The following HCRTR2 variants were observed in gnomAD, a reference collection of about 807,000 sequenced individuals.
HCRTR2 encodes the protein hypocretin receptor 2.
A neutral mutation model predicts 49.0 loss-of-function variants in HCRTR2; 22 were observed. The observed-to-expected ratio is 0.45, with a 90% confidence interval of 0.32 to 0.64. The LOEUF (loss-of-function observed/expected upper bound fraction) is 0.64, where lower values mean the gene tolerates loss of function less well. Among genes scored for constraint, HCRTR2 ranks in the 30% least tolerant of loss-of-function variants. The pLI is 0.04. For synonymous variants in HCRTR2, 236 were observed against 205.3 expected (o/e 1.15, Z -1.28); for missense variants, 491 against 559.4 (o/e 0.88, Z 1.23).
At position 55,255,134 on chromosome 6, in the gene HCRTR2, A is replaced by G; in HGVS notation, c.403-2A>G. On this transcript the variant is annotated splice_acceptor_variant, in intron 2 of 6. Transcript: ENST00000370862. LOFTEE classifies it high-confidence loss of function. Reference sequence around the variant, plus strand: ...TATTACTATGATCTTTCTTTTCTCTAGACCGTGTCGGTGTCTGTGTCTGTC... The same window carrying G: ...TATTACTATGATCTTTCTTTTCTCTGGACCGTGTCGGTGTCTGTGTCTGTC... The G allele has an allele frequency of 6.2e-7, 1 of 1,613,740 alleles. No individual in the cohort carries two copies. The highest frequency in any genetic ancestry group is 8.5e-7 in the Non-Finnish European group (1 of 1,179,836).
chr6:55,178,398 A>T (rs1351341607), intron 1 of HCRTR2, among the ~76,000 whole-genome samples: 1 of 152,150 alleles, frequency 6.6e-6, no homozygotes, highest in Non-Finnish European at 1.5e-5. Flanking sequence ...GAACTATCCA[A>T]GTCAATTTTT....
In HCRTR2 at chr6:55,272,717, T is replaced by C. The variant is rs1207712602; in HGVS notation, c.763-4663T>C. On this transcript the variant is annotated intron_variant, in intron 4 of 6. Transcript: ENST00000370862. ...AATAGGAATTATCCACGGGTTGTTT[T>C]ATCTGTACTTTCTGACTAAAGTTTT... 2.6e-5 allele frequency among the ~76,000 whole-genome samples: 4 copies of C among 152,072 alleles called. No homozygotes were observed. In the East Asian group the frequency reaches 7.7e-4, roughly 29 times the overall value.
intron 1 of HCRTR2, among the ~76,000 whole-genome samples, chr6:55,111,627 T>C (rs1561974463): frequency 6.6e-6 from 1 of 151,800 alleles, no homozygotes; most frequent in Non-Finnish European, 1.5e-5. Flanking sequence ...AACAGAACAA[T>C]AACACGCAGT....
rs543273310 is a variant in HCRTR2, at chr6:55,149,254, A to G, written c.-377-24957A>G. ...TACTTTAATGCTAAAAGTCCAAAATATGTTTGCTCATAACTGTTACTGTAT... is the reference window on the plus strand; with the variant it reads ...TACTTTAATGCTAAAAGTCCAAAATGTGTTTGCTCATAACTGTTACTGTAT... On this transcript the variant is annotated intron_variant, in intron 1 of 7. Coordinates refer to the HCRTR2 transcript ENST00000615358. Among the ~76,000 whole-genome samples the G allele has an allele frequency of 2.4e-3, 371 of 152,240 alleles. 1 individual carries two copies. The highest frequency in any genetic ancestry group is 8.6e-3 in the African/African-American group (359 of 41,584).
intron 1 of HCRTR2, among the ~76,000 whole-genome samples, chr6:55,163,697 C>T (rs1191351341): frequency 1.3e-5 from 2 of 152,084 alleles, no homozygotes; most frequent in Non-Finnish European, 2.9e-5. Context: ...TAGGAAATAC[C>T]ATTCAGGCCA....
chr6:55,112,583 A>T (rs1040614395), intron 1 of HCRTR2, among the ~76,000 whole-genome samples: 9 of 151,590 alleles, frequency 5.9e-5, no homozygotes, highest in Non-Finnish European at 1.2e-4. Context: ...GAATATACCT[A>T]ACCAAGGAGG....
chr6:55,223,289 C>A (rs1765933261), intron 1 of HCRTR2, among the ~76,000 whole-genome samples: 1 of 152,118 alleles, frequency 6.6e-6, no homozygotes, highest in South Asian at 2.1e-4. Flanking sequence ...AATTCTGTGA[C>A]AACAAGCCAT....
rs182390697 is a variant in HCRTR2, at chr6:55,143,943, T to C, written c.-377-30268T>C. ...AATCTAGCCTTTTATATTAGTTTTA[T>C]ATAATTCTCAAGCCCTTAAGAAAAT... On this transcript the variant is annotated intron_variant, in intron 1 of 7. Coordinates refer to the HCRTR2 transcript ENST00000615358. Among the ~76,000 whole-genome samples the C allele has an allele frequency of 1.0e-3, 155 of 152,292 alleles. 1 individual carries two copies. The highest frequency in any genetic ancestry group is 3.4e-3 in the African/African-American group (140 of 41,566).
intron 1 of HCRTR2, among the ~76,000 whole-genome samples, chr6:55,182,560 T>C (rs1765150691): frequency 6.6e-6 from 1 of 152,176 alleles, no homozygotes; most frequent in African/African-American, 2.4e-5. Context: ...AGGTTGAGTC[T>C]TGAGGTGACT....
intron 4 of HCRTR2, among the ~76,000 whole-genome samples, chr6:55,269,987 A>G (rs756755358): frequency 6.6e-6 from 1 of 152,208 alleles, no homozygotes; most frequent in Non-Finnish European, 1.5e-5. Context: ...TCTTCAGCAT[A>G]AACATGTATA....
intron 1 of HCRTR2, among the ~76,000 whole-genome samples, chr6:55,182,867 G>T (rs1765155981): frequency 6.6e-6 from 1 of 152,142 alleles, no homozygotes; most frequent in East Asian, 1.9e-4. Flanking sequence ...CTACAAAGGG[G>T]ATTGGGAGAT....
At chr6:55,194,444 TC>T (rs1412836423) in intron 1 of HCRTR2, among the ~76,000 whole-genome samples, 14 of 152,134 alleles carry the variant, frequency 9.2e-5, no homozygotes, top group Non-Finnish European at 1.6e-4. Flanking sequence ...AGGCATATAA[TC>T]TAGAAATGCA....
At chr6:55,139,534 AG>A (rs1259312938) in intron 1 of HCRTR2, among the ~76,000 whole-genome samples, 2 of 152,200 alleles carry the variant, frequency 1.3e-5, no homozygotes, top group Non-Finnish European at 2.9e-5. Flanking sequence ...ATATTCCTTG[AG>A]AGAGTTGATA....
chr6:55,110,548 T>C (rs992263101), intron 1 of HCRTR2, among the ~76,000 whole-genome samples: 3 of 151,806 alleles, frequency 2.0e-5, no homozygotes, highest in African/African-American at 7.3e-5. Context: ...TCCATGCAAA[T>C]GGACACCAAA....
chr6:55,279,229 C>T (rs1410787999), intron 5 of HCRTR2, among the ~76,000 whole-genome samples: 1 of 151,896 alleles, frequency 6.6e-6, no homozygotes, highest in African/African-American at 2.4e-5. Flanking sequence ...TTTATCCTTG[C>T]ATATGAAATT....
intron 1 of HCRTR2, among the ~76,000 whole-genome samples, chr6:55,116,496 G>A (rs1018164300): frequency 6.6e-6 from 1 of 150,544 alleles, no homozygotes; most frequent in Non-Finnish European, 1.5e-5. Context: ...AAAAAAATGG[G>A]AAGAGGAGAA....
intron 1 of HCRTR2, among the ~76,000 whole-genome samples, chr6:55,184,734 TGGAA>T (rs1765189062): frequency 2.6e-5 from 4 of 152,228 alleles, no homozygotes. Flanking sequence ...TAGTTCACAA[TGGAA>T]ATACAACAAT....
Position 55,229,633 on chromosome 6 carries a change from A to G in HCRTR2, c.224-19006A>G, listed in dbSNP as rs74919556. Among the ~76,000 whole-genome samples the G allele has an allele frequency of 1.5e-3, 225 of 152,334 alleles. 4 individuals carry two copies. Among genetic ancestry groups the G allele is most frequent in the South Asian group, 0.012 (57 of 4,824 alleles). The stretch of plus-strand genomic sequence containing the variant: ...TTATGCTAGGTGGAATAAGCCAGGT[A>G]TAGAAGGACAATTATTGCATGATTC... On this transcript the variant is annotated intron_variant, in intron 1 of 6. Coordinates refer to ENST00000370862, the MANE Select transcript of HCRTR2 (RefSeq NM_001384272.1).
intron 1 of HCRTR2, among the ~76,000 whole-genome samples, chr6:55,133,384 C>CACACACACA (rs1554167169): frequency 1.5e-5 from 2 of 136,488 alleles, no homozygotes; most frequent in Non-Finnish European, 3.2e-5. Flanking sequence ...TACACACACA[C>CACACACACA]AAAAAAACAC....
Sources: allele counts gnomAD v4.1 joint callset (sites outside exome capture counted in the v4.1 genomes callset), GRCh38; gene constraint gnomAD v4.1.1; transcripts MANE v1.5; gene names NCBI Gene and HGNC (gene_info 2026-07-23, HGNC 2026-07-21).